The following BMPER variants were observed in gnomAD, a reference collection of about 807,000 sequenced individuals.
BMPER encodes the protein BMP-binding endothelial regulator protein.
In BMPER, 45 loss-of-function variants were observed where a neutral mutation model predicts 87.3. That is an observed-to-expected ratio of 0.52 (90% CI 0.41 to 0.66). The LOEUF (loss-of-function observed/expected upper bound fraction) is 0.66, where lower values mean the gene tolerates loss of function less well. BMPER is among the 30% of genes least tolerant of loss of function. The pLI is 0.00. For missense variants in BMPER, 784 were observed against 867.5 expected, an observed-to-expected ratio of 0.90 and a Z score of 1.21; for synonymous variants, 326 against 316.2, an observed-to-expected ratio of 1.03 and a Z score of -0.33.
chr7:33,936,894 TG>T (rs1196881661), intron 2 of BMPER, among the ~76,000 whole-genome samples: 28 of 152,246 alleles, frequency 1.8e-4, no homozygotes, highest in African/African-American at 6.8e-4. Context: ...AAAATATTTT[TG>T]TTCTCACGAT....
At chr7:34,136,715 G>C (rs926315627) in intron 13 of BMPER, among the ~76,000 whole-genome samples, 1 of 152,186 alleles carries the variant, frequency 6.6e-6, no homozygotes, top group Non-Finnish European at 1.5e-5. Context: ...GTTCTGCCTT[G>C]ATCCTGCCAT....
At position 34,093,331 on chromosome 7, in the gene BMPER, G is replaced by T. The variant is rs141590234; in HGVS notation, c.1745+7239G>T. ...TCAGAGTTTTTATTGGAACCCGATC[G>T]CATGCCACCTGCATGGATGATCTTA... On this transcript the variant is annotated intron_variant, in intron 13 of 14. Coordinates refer to ENST00000649409, the MANE Select transcript of BMPER (RefSeq NM_001365308.1). Among the ~76,000 whole-genome samples the T allele has an allele frequency of 2.6e-3, 395 of 152,274 alleles. 3 individuals are homozygous for T. Among genetic ancestry groups the T allele is most frequent in the Non-Finnish European group, 2.7e-3 (185 of 68,020 alleles).
intron 2 of BMPER, among the ~76,000 whole-genome samples, chr7:33,923,585 C>G (rs1426497698): frequency 6.6e-6 from 1 of 152,172 alleles, no homozygotes; most frequent in Admixed American, 6.5e-5. Context: ...TAGTGGGTAG[C>G]AACCCTCCCA....
At chr7:34,102,313 G>T (rs976455369) in intron 13 of BMPER, among the ~76,000 whole-genome samples, 1 of 152,168 alleles carries the variant, frequency 6.6e-6, no homozygotes, top group Non-Finnish European at 1.5e-5. Flanking sequence ...TCTGATTGGG[G>T]CTGTCGCCAT....
At chr7:33,943,601 A>G (rs1784816461) in intron 3 of BMPER, among the ~76,000 whole-genome samples, 2 of 152,194 alleles carry the variant, frequency 1.3e-5, no homozygotes, top group African/African-American at 4.8e-5. Flanking sequence ...GCATGTGTCA[A>G]ACTATGATGG....
intron 6 of BMPER, among the ~76,000 whole-genome samples, chr7:34,004,485 G>A (rs2127937230): frequency 1.3e-5 from 2 of 152,052 alleles, no homozygotes; most frequent in Middle Eastern, 6.8e-3. Context: ...TATTGTTTTT[G>A]TTGAAAACTG....
At chr7:34,072,728 T>A (rs1585801743) in intron 11 of BMPER, among the ~76,000 whole-genome samples, 1 of 152,320 alleles carries the variant, frequency 6.6e-6, no homozygotes, top group Non-Finnish European at 1.5e-5. Flanking sequence ...GGTGGACATG[T>A]TTGGGGGTCC....
chr7:33,988,102 T>C (rs77268759), intron 6 of BMPER, among the ~76,000 whole-genome samples: 2,337 of 152,308 alleles, frequency 0.015, 68 homozygotes, highest in African/African-American at 0.053. Context: ...CATACTGATA[T>C]ATATCTTAAT....
intron 13 of BMPER, among the ~76,000 whole-genome samples, chr7:34,099,078 C>G (rs780796297): frequency 6.6e-6 from 1 of 151,868 alleles, no homozygotes; most frequent in Non-Finnish European, 1.5e-5. Flanking sequence ...ATCATAAGGC[C>G]AGGAGTAAGA....
intron 13 of BMPER, among the ~76,000 whole-genome samples, chr7:34,107,270 A>G (rs1302197419): frequency 6.6e-6 from 1 of 152,210 alleles, no homozygotes; most frequent in Non-Finnish European, 1.5e-5. Context: ...TCTTTTCTTT[A>G]TAGAATTGTT....
At chr7:34,089,709 C>T (rs1789325407) in intron 13 of BMPER, among the ~76,000 whole-genome samples, 1 of 152,126 alleles carries the variant, frequency 6.6e-6, no homozygotes, top group Non-Finnish European at 1.5e-5. Flanking sequence ...ATCTCGAATT[C>T]CTGACCTCAG....
chr7:33,990,074 G>C (rs1786159919), intron 6 of BMPER, among the ~76,000 whole-genome samples: 1 of 151,642 alleles, frequency 6.6e-6, no homozygotes, highest in Admixed American at 6.6e-5. Context: ...TGTTCTTTTG[G>C]CTTAGGATTG....
intron 6 of BMPER, among the ~76,000 whole-genome samples, chr7:34,030,240 T>C (rs2127950669): frequency 6.6e-6 from 1 of 152,160 alleles, no homozygotes; most frequent in Middle Eastern, 3.4e-3. Flanking sequence ...AGCAAGAAAT[T>C]TGCCTCAAGG....
intron 13 of BMPER, among the ~76,000 whole-genome samples, chr7:34,132,523 A>G (rs1170561758): frequency 6.6e-6 from 1 of 152,206 alleles, no homozygotes. Flanking sequence ...CACAGGTTGC[A>G]CACAGCGGAT....
At chr7:34,047,824 C>CT (rs1312499057) in intron 7 of BMPER, among the ~76,000 whole-genome samples, 11,169 of 64,508 alleles carry the variant, frequency 0.17, 10 homozygotes, top group Admixed American at 0.19. Flanking sequence ...CCTCACTTTC[C>CT]TACTTTCTTG....
chr7:34,116,115 A>G (rs34727038), intron 13 of BMPER, among the ~76,000 whole-genome samples: 25,262 of 152,278 alleles, frequency 0.17, 2,348 homozygotes, highest in Non-Finnish European at 0.2. Flanking sequence ...TAAACATAAT[A>G]AATAACTCAT....
chr7:34,046,756 A>C (rs1787981221), intron 7 of BMPER, among the ~76,000 whole-genome samples: 1 of 152,194 alleles, frequency 6.6e-6, no homozygotes, highest in Admixed American at 6.5e-5. Flanking sequence ...GTAAACCCAT[A>C]GAGGAATATA....
At chr7:34,023,488 T>C (rs922163908) in intron 6 of BMPER, among the ~76,000 whole-genome samples, 2 of 152,006 alleles carry the variant, frequency 1.3e-5, no homozygotes, top group African/African-American at 4.8e-5. Context: ...TATCTGTCCT[T>C]CCCCCATGCT....
intron 2 of BMPER, among the ~76,000 whole-genome samples, chr7:33,935,163 G>A (rs911614391): frequency 4.6e-5 from 7 of 152,138 alleles, no homozygotes; most frequent in Non-Finnish European, 1.0e-4. Context: ...CTTATAGTTA[G>A]CCTTGATGCC....
Sources: gnomAD v4.1 joint callset for allele counts (sites outside exome capture counted in the v4.1 genomes callset) on GRCh38, gnomAD v4.1.1 for gene constraint, MANE v1.5 for transcripts, NCBI Gene and HGNC (gene_info 2026-07-23, HGNC 2026-07-21) for gene names.